SGK1: variants seen among roughly 807,000 people sequenced by gnomAD.
SGK1 encodes the protein serine/threonine-protein kinase Sgk1.
SGK1 carries 26 observed loss-of-function variants against 64.2 expected under a neutral mutation model. That is an observed-to-expected ratio of 0.40 (90% CI 0.30 to 0.56). The LOEUF (loss-of-function observed/expected upper bound fraction) is 0.56, where lower values mean the gene tolerates loss of function less well. Ranked by LOEUF, SGK1 falls within the 20% of genes least tolerant of loss-of-function variation. The probability of loss-of-function intolerance (pLI) is 0.38; values close to 1 mark genes in which losing one functional copy is unlikely to be tolerated. For missense variants in SGK1, 519 were observed against 645.6 expected, an observed-to-expected ratio of 0.80 and a Z score of 2.12; for synonymous variants, 265 against 239.7, an observed-to-expected ratio of 1.11 and a Z score of -0.98.
At chr6:134,201,235 T>C (rs895907467) in intron 3 of SGK1, among the ~76,000 whole-genome samples, 3 of 151,240 alleles carry the variant, frequency 2.0e-5, no homozygotes, top group Non-Finnish European at 4.4e-5. Context: ...TAATTTTTTG[T>C]ATTTTTAGTA....
At chr6:134,200,548 T>C (rs1379983441) in intron 3 of SGK1, among the ~76,000 whole-genome samples, 1 of 152,178 alleles carries the variant, frequency 6.6e-6, no homozygotes, top group Non-Finnish European at 1.5e-5. Flanking sequence ...AATCATGTTT[T>C]TATTTAACTT....
intron 2 of SGK1, among the ~76,000 whole-genome samples, chr6:134,250,875 G>T (rs1456144231): frequency 1.3e-5 from 2 of 152,106 alleles, no homozygotes; most frequent in Non-Finnish European, 2.9e-5. Context: ...CTGGGCTCAA[G>T]CTGTCCTGCC....
intron 2 of SGK1, among the ~76,000 whole-genome samples, chr6:134,209,753 T>G (rs1171583967): frequency 6.6e-6 from 1 of 152,174 alleles, no homozygotes; most frequent in Non-Finnish European, 1.5e-5. Flanking sequence ...CTCGGCTCAC[T>G]GCAACCTCTG....
intron 1 of SGK1, among the ~76,000 whole-genome samples, chr6:134,296,242 T>C (rs1047981761): frequency 6.6e-6 from 1 of 152,196 alleles, no homozygotes; most frequent in African/African-American, 2.4e-5. Flanking sequence ...GAGATGATCA[T>C]TGGACATTTT....
chr6:134,213,947 C>T (rs903398541), intron 2 of SGK1, among the ~76,000 whole-genome samples: 6 of 152,036 alleles, frequency 3.9e-5, no homozygotes, highest in African/African-American at 1.4e-4. Context: ...GTATAATAAA[C>T]CTCTATGTAC....
chr6:134,191,298 A>T (rs1775505151), intron 3 of SGK1, among the ~76,000 whole-genome samples: 1 of 152,176 alleles, frequency 6.6e-6, no homozygotes, highest in Non-Finnish European at 1.5e-5. Context: ...AAAAAATCTT[A>T]AGAAACAGGA....
intron 11 of SGK1, 26 bp downstream of exon 11, chr6:134,171,611 T>C (rs1169266684): frequency 6.6e-7 from 1 of 1,520,580 alleles, no homozygotes; most frequent in East Asian, 2.3e-5. Flanking sequence ...CAGGCAGTGT[T>C]CCATGGTTCC....
chr6:134,224,244 C>T (rs939940894), intron 2 of SGK1, among the ~76,000 whole-genome samples: 5 of 152,182 alleles, frequency 3.3e-5, no homozygotes, highest in Non-Finnish European at 5.9e-5. Context: ...TCATACATCT[C>T]GACAATGATT....
At chr6:134,296,828 G>A (rs1777356741) in intron 1 of SGK1, among the ~76,000 whole-genome samples, 2 of 149,982 alleles carry the variant, frequency 1.3e-5, no homozygotes, top group African/African-American at 2.4e-5. Flanking sequence ...CTGGAGGCAT[G>A]GGCAAGGGGG....
At chr6:134,249,273 A>T (rs1479286427) in intron 2 of SGK1, among the ~76,000 whole-genome samples, 1 of 152,210 alleles carries the variant, frequency 6.6e-6, no homozygotes, top group Non-Finnish European at 1.5e-5. Context: ...ACAGATCCTC[A>T]TCTCCTGAAG....
chr6:134,223,968 C>T (rs1776130603), intron 2 of SGK1, among the ~76,000 whole-genome samples: 1 of 152,158 alleles, frequency 6.6e-6, no homozygotes, highest in African/African-American at 2.4e-5. Context: ...TCCCAAGAGT[C>T]CAGAATGTTG....
intron 2 of SGK1, chr6:134,218,588 C>T (rs6937942): frequency 0.61 from 92,986 of 151,844 alleles, 31,150 homozygotes; most frequent in South Asian, 0.84. Flanking sequence ...CCCACCACCA[C>T]GCCTGGCTAA....
chr6:134,201,014 A>T (rs1775671596), intron 3 of SGK1, among the ~76,000 whole-genome samples: 1 of 152,096 alleles, frequency 6.6e-6, no homozygotes, highest in Non-Finnish European at 1.5e-5. Flanking sequence ...ATTTTCCATA[A>T]AAAATGACAA....
chr6:134,197,120 C>A (rs1775606046), intron 3 of SGK1, among the ~76,000 whole-genome samples: 1 of 152,090 alleles, frequency 6.6e-6, no homozygotes, highest in African/African-American at 2.4e-5. Flanking sequence ...GTAGTCCCAG[C>A]TACTTGGGGG....
intron 3 of SGK1, among the ~76,000 whole-genome samples, chr6:134,176,844 C>G (rs1167699318): frequency 6.6e-6 from 1 of 152,198 alleles, no homozygotes; most frequent in Admixed American, 6.5e-5. Context: ...GCAACAGCCC[C>G]AAACCGAGAG....
chr6:134,317,629 G>A lies in SGK1; in HGVS notation c.-169C>T. On this transcript the variant is annotated 5_prime_UTR_variant, in exon 1 of 14. An upstream open reading frame in the 5' UTR gains an earlier in-frame stop. Coordinates refer to ENST00000367858, the MANE Select transcript of SGK1 (RefSeq NM_001143676.3). ...CGCGCATTCTGCAGCACCAGCTACTGCAGCAACCTCTCCCCACTTTCAGTT... is the reference window on the plus strand; with the variant it reads ...CGCGCATTCTGCAGCACCAGCTACTACAGCAACCTCTCCCCACTTTCAGTT... 1.6e-6 allele frequency: 1 copy of A among 630,736 alleles called. No homozygotes were observed. The allele number at this position is 630,736 out of a possible 1,614,324, so 39.1% of individuals were successfully genotyped here.
At chr6:134,175,682 C>T (rs745674570) in intron 3 of SGK1, 2 of 1,472,200 alleles carry the variant, frequency 1.4e-6, no homozygotes, top group Non-Finnish European at 1.8e-6. Flanking sequence ...CGGCGGGGCG[C>T]GCGGCAGACG....
chr6:134,304,000 A>C (rs1440069870), intron 1 of SGK1, among the ~76,000 whole-genome samples: 1 of 152,178 alleles, frequency 6.6e-6, no homozygotes, highest in African/African-American at 2.4e-5. Flanking sequence ...GTCAGCTTCC[A>C]CAGGCTCTCT....
intron 1 of SGK1, among the ~76,000 whole-genome samples, chr6:134,273,647 A>C (rs1006726390): frequency 1.4e-5 from 2 of 147,436 alleles, no homozygotes; most frequent in Non-Finnish European, 3.0e-5. Flanking sequence ...AGCCAGGTGA[A>C]GAGAAATGGG....
Sources: allele counts gnomAD v4.1 joint callset (sites outside exome capture counted in the v4.1 genomes callset), GRCh38; gene constraint gnomAD v4.1.1; transcripts MANE v1.5; gene names NCBI Gene and HGNC (gene_info 2026-07-23, HGNC 2026-07-21).